JADE3: variants seen among roughly 807,000 people sequenced by gnomAD.
JADE3 encodes the protein jade family PHD finger 3.
JADE3 carries 2 observed loss-of-function variants against 50.1 expected under a neutral mutation model. The ratio of observed to expected loss-of-function variants is 0.04; its 90% CI spans 0.02 to 0.13. JADE3 has a LOEUF of 0.13. JADE3 is among the 10% of genes least tolerant of loss of function. The probability of loss-of-function intolerance (pLI) is 1.00; values close to 1 mark genes in which losing one functional copy is unlikely to be tolerated. For synonymous variants in JADE3, 218 were observed against 232.9 expected, an observed-to-expected ratio of 0.94 and a Z score of 0.58; for missense variants, 475 against 634.4, an observed-to-expected ratio of 0.75 and a Z score of 2.70.
Position 47,056,099 on chromosome X carries a change from T to C in JADE3, c.1461T>C (p.Tyr487=). 2 of 1,198,887 alleles carry C rather than the reference T, an allele frequency of 1.7e-6. No homozygotes were observed. Among genetic ancestry groups the C allele is most frequent in the Non-Finnish European group, 2.3e-6 (2 of 884,649 alleles). Reference sequence around the variant, plus strand: ...GCTTTCAGGTCCGAAATCTGTGCTATATGATAAGCAGACGAGAGAAGCTGA... The same window carrying C: ...GCTTTCAGGTCCGAAATCTGTGCTACATGATAAGCAGACGAGAGAAGCTGA... ...QDLERVRNLC[Y]MISRREKLKL... The change falls in exon 10 of 11, where the codon TAT becomes TAC. Residue 487 remains tyrosine, a synonymous_variant. Coordinates refer to ENST00000614628, the MANE Select transcript of JADE3 (RefSeq NM_014735.5).
intron 1 of JADE3, among the ~76,000 whole-genome samples, chrX:46,913,840 C>A (rs1556335743): frequency 1.8e-5 from 2 of 110,708 alleles, no homozygotes; most frequent in African/African-American, 6.6e-5. Context: ...TTGGCCGCTT[C>A]TCCGACTTTG....
At chrX:47,053,314 ATTGGTGTGATCTC>A (rs1929559921) in intron 8 of JADE3, among the ~76,000 whole-genome samples, 1 of 110,540 alleles carries the variant, frequency 9.0e-6, no homozygotes, top group Admixed American at 9.6e-5. Flanking sequence ...GCTGGAGTAC[ATTGGTGTGATCTC>A]GGCTCACTGC....
intron 1 of JADE3, among the ~76,000 whole-genome samples, chrX:46,918,597 A>G (rs909300720): frequency 1.8e-5 from 2 of 112,182 alleles, no homozygotes; most frequent in African/African-American, 6.5e-5. Context: ...ACTTTTAAGT[A>G]GCCTGTGTCA....
At chrX:47,055,506 A>G (rs782116652) in intron 9 of JADE3, among the ~76,000 whole-genome samples, 8 of 112,211 alleles carry the variant, frequency 7.1e-5, no homozygotes, top group Middle Eastern at 4.6e-3. Flanking sequence ...GCCCATGAAA[A>G]ACTATTATTA....
intron 1 of JADE3, among the ~76,000 whole-genome samples, chrX:46,981,789 A>G (rs1198626528): frequency 2.7e-5 from 3 of 112,365 alleles, no homozygotes; most frequent in Non-Finnish European, 5.6e-5. Flanking sequence ...ACCAATCACC[A>G]AAGGACACAA....
intron 8 of JADE3, among the ~76,000 whole-genome samples, chrX:47,045,127 CAG>C (rs1444833735): frequency 9.0e-6 from 1 of 111,569 alleles, no homozygotes; most frequent in African/African-American, 3.2e-5. Context: ...CCAAAAGACA[CAG>C]AGTGGCTGAA....
At chrX:46,958,197 CGA>C (rs782490862) in intron 1 of JADE3, among the ~76,000 whole-genome samples, 230 of 111,826 alleles carry the variant, frequency 2.1e-3, no homozygotes, top group African/African-American at 7.0e-3. Context: ...GAATTCAGCC[CGA>C]GTTTAGTAGC....
rs782387599 is a variant in JADE3 at position 46,928,549 on chromosome X, TAAAA to T, written c.-12+15836_-12+15839del. ...ACCAAATATCGATTATCATTTTGTGTAAAAAAAAATTACATGTAACATGTTCTTA... is the reference window on the plus strand; with the variant it reads ...ACCAAATATCGATTATCATTTTGTGTAAAAATTACATGTAACATGTTCTTA... On this transcript the variant is annotated intron_variant, in intron 1 of 10. Coordinates refer to ENST00000614628, the MANE Select transcript of JADE3 (RefSeq NM_014735.5). Among the ~76,000 whole-genome samples the T allele has an allele frequency of 6.3e-3, 695 of 110,999 alleles. 6 individuals carry two copies. The highest frequency in any genetic ancestry group is 0.022 in the African/African-American group (662 of 30,607).
chrX:46,935,913 C>T (rs1457200388), intron 1 of JADE3, among the ~76,000 whole-genome samples: 1 of 103,867 alleles, frequency 9.6e-6, no homozygotes, highest in Non-Finnish European at 2.0e-5. Context: ...TCACTGCAGC[C>T]TTGATCTCCT....
chrX:46,973,065 C>T (rs1270911533), intron 1 of JADE3, among the ~76,000 whole-genome samples: 1 of 111,980 alleles, frequency 8.9e-6, no homozygotes, highest in Admixed American at 9.5e-5. Flanking sequence ...TTGGGTGACC[C>T]CTGGTTTAGA....
chrX:47,041,580 G>A (rs782109353), intron 8 of JADE3, among the ~76,000 whole-genome samples: 11 of 110,799 alleles, frequency 9.9e-5, no homozygotes, highest in Admixed American at 5.8e-4. Flanking sequence ...ACAGGATTTC[G>A]CTGTGTTGTC....
chrX:47,022,314 C>T (rs2146974031), intron 4 of JADE3, among the ~76,000 whole-genome samples: 1 of 112,065 alleles, frequency 8.9e-6, no homozygotes, highest in South Asian at 3.7e-4. Flanking sequence ...CAGCAATTCC[C>T]AAAATTTTAG....
chrX:47,032,663 G>A (rs1052654558), intron 6 of JADE3, among the ~76,000 whole-genome samples: 2 of 111,515 alleles, frequency 1.8e-5, no homozygotes, highest in Non-Finnish European at 3.8e-5. Flanking sequence ...GCAAGTACCA[G>A]GTCAGCAGAT....
intron 1 of JADE3, among the ~76,000 whole-genome samples, chrX:46,958,337 T>C (rs1254862659): frequency 2.7e-5 from 3 of 112,336 alleles, no homozygotes; most frequent in African/African-American, 9.7e-5. Context: ...TTTTTGCTTA[T>C]AATATTTGCT....
intron 7 of JADE3, among the ~76,000 whole-genome samples, chrX:47,035,414 A>G (rs1285680593): frequency 8.9e-6 from 1 of 112,055 alleles, no homozygotes; most frequent in Admixed American, 9.5e-5. Flanking sequence ...TTTGAATAGT[A>G]GTTTCTTTTT....
At chrX:46,964,057 AT>A (rs1438435149) in intron 1 of JADE3, among the ~76,000 whole-genome samples, 1 of 112,437 alleles carries the variant, frequency 8.9e-6, no homozygotes, top group Non-Finnish European at 1.9e-5. Context: ...ATAGGAAAGT[AT>A]TAAAATTGTT....
At chrX:46,992,099 C>T (rs1047349024) in intron 3 of JADE3, among the ~76,000 whole-genome samples, 1 of 110,972 alleles carries the variant, frequency 9.0e-6, no homozygotes, top group East Asian at 2.8e-4. Context: ...CCTTTTTGCC[C>T]GTTAGGTAAC....
At chrX:46,969,790 C>G (rs1308439132) in intron 1 of JADE3, among the ~76,000 whole-genome samples, 1 of 112,355 alleles carries the variant, frequency 8.9e-6, no homozygotes, top group African/African-American at 3.2e-5. Flanking sequence ...GATCGCTCCA[C>G]TGCACTCCAG....
At chrX:47,040,934 T>C (rs376092568) in intron 8 of JADE3, among the ~76,000 whole-genome samples, 2 of 112,498 alleles carry the variant, frequency 1.8e-5, no homozygotes, top group East Asian at 5.6e-4. Context: ...AATTCATTCT[T>C]ATATTTGACA....
Sources: gnomAD v4.1 joint callset for allele counts (sites outside exome capture counted in the v4.1 genomes callset) on GRCh38, gnomAD v4.1.1 for gene constraint, MANE v1.5 for transcripts, NCBI Gene and HGNC (gene_info 2026-07-23, HGNC 2026-07-21) for gene names.